The following CDK11A variants were observed in gnomAD, a reference collection of about 807,000 sequenced individuals.
The protein encoded by CDK11A is cyclin-dependent kinase 11A.
Under a neutral mutation model 83.6 loss-of-function variants are expected in CDK11A, and 55 were observed. The ratio of observed to expected loss-of-function variants is 0.66; its 90% CI spans 0.53 to 0.82. The LOEUF (loss-of-function observed/expected upper bound fraction) is 0.82, where lower values mean the gene tolerates loss of function less well. Among genes scored for constraint, CDK11A ranks in the 40% least tolerant of loss-of-function variants. CDK11A has a pLI of 0.00. For synonymous variants in CDK11A, 247 were observed against 302.7 expected (o/e 0.82, Z 1.91); for missense variants, 564 against 810.1 (o/e 0.70, Z 3.69).
At chr1:1,703,777 C>T (rs1360596799) in intron 17 of CDK11A, 47 bp downstream of exon 17, 7 of 1,603,184 alleles carry the variant, frequency 4.4e-6, no homozygotes, top group Admixed American at 1.7e-5. Context: ...CCCATTCCTG[C>T]AACTCCTCTG....
intron 6 of CDK11A, among the ~76,000 whole-genome samples, chr1:1,710,757 G>A (rs1286087466): frequency 6.9e-6 from 1 of 145,930 alleles, no homozygotes; most frequent in Non-Finnish European, 1.5e-5. Context: ...AATGACGCGT[G>A]AACACGACGG....
At chr1:1,720,342 C>A (rs1467825493) in intron 3 of CDK11A, among the ~76,000 whole-genome samples, 1 of 150,570 alleles carries the variant, frequency 6.6e-6, no homozygotes, top group African/African-American at 2.4e-5. Context: ...TGTGATCTGC[C>A]CGCCTCAGCC....
chr1:1,704,796 G>C (rs1244661802), intron 13 of CDK11A, 108 bp downstream of exon 13: 2 of 1,595,914 alleles, frequency 1.3e-6, no homozygotes, highest in Admixed American at 1.7e-5. Context: ...TCTGTGAAGG[G>C]CTCCACTAAG....
At chr1:1,723,503 A>G (rs1195397676) in intron 1 of CDK11A, among the ~76,000 whole-genome samples, 67 of 68,228 alleles carry the variant, frequency 9.8e-4, no homozygotes, top group African/African-American at 2.2e-3. Flanking sequence ...AAAAAAAAAA[A>G]AAAAAAAAAA....
At chr1:1,705,978 C>T (rs900687911) in intron 11 of CDK11A, among the ~76,000 whole-genome samples, 1 of 150,122 alleles carries the variant, frequency 6.7e-6, no homozygotes, top group Admixed American at 6.6e-5. Flanking sequence ...TGCAAGGGCT[C>T]AGGCCTGTAA....
At chr1:1,710,402 A>G (rs1205996936) in intron 6 of CDK11A, among the ~76,000 whole-genome samples, 1 of 66,122 alleles carries the variant, frequency 1.5e-5, no homozygotes, top group Admixed American at 1.9e-4. Flanking sequence ...GTGACCAGGA[A>G]AAGGCTCAGG....
intron 2 of CDK11A, chr1:1,722,397 C>G: frequency 2.2e-6 from 1 of 452,140 alleles, no homozygotes; most frequent in South Asian, 2.5e-5. Flanking sequence ...CAAGTTCCCA[C>G]TATATTAAAA....
In CDK11A at chr1:1,716,342, T is replaced by G; in HGVS notation, c.488+4A>C. The G allele has an allele frequency of 6.2e-7, 1 of 1,608,550 alleles. No individual in the cohort carries two copies. Among genetic ancestry groups the G allele is most frequent in the Non-Finnish European group, 8.5e-7 (1 of 1,176,400 alleles). On this transcript the variant is annotated splice_donor_region_variant and intron_variant, in intron 5 of 19. Transcript: ENST00000404249. ...AAAGTCCTCAACTGACCCAGCCCAC[T>G]CACCTTTCTCTCCTGGAATGCTCCC...
intron 4 of CDK11A, 137 bp downstream of exon 4, chr1:1,719,191 T>G: frequency 1.4e-6 from 1 of 734,238 alleles, no homozygotes; most frequent in Non-Finnish European, 2.1e-6. Flanking sequence ...TTCTGAACGG[T>G]CTGTGACACC....
Position 1,704,468 on chromosome 1 carries a change from TC to T in CDK11A, c.1564+81del, listed in dbSNP as rs1315826780. 3.2e-6 allele frequency: 5 copies of T among 1,545,474 alleles called. 1 individual carries two copies. Among genetic ancestry groups the T allele is most frequent in the Non-Finnish European group, 4.4e-6 (5 of 1,142,654 alleles). On this transcript the variant is annotated intron_variant, in intron 14 of 19. Transcript: ENST00000404249. ...CTTTCCCTGTGGATGCAGCTGGCCC[TC>T]CCTGCAGCACTGTCACCGCGGGGGT...
chr1:1,716,831 A>C, intron 4 of CDK11A, among the ~76,000 whole-genome samples: 1 of 143,716 alleles, frequency 7.0e-6, no homozygotes, highest in Non-Finnish European at 1.5e-5. Flanking sequence ...AAAAAAAAAA[A>C]AAAAAAAAAA....
chr1:1,716,308 C>A (rs1317062387), intron 5 of CDK11A, 38 bp downstream of exon 5: 1 of 1,598,114 alleles, frequency 6.3e-7, no homozygotes, highest in South Asian at 1.1e-5. Context: ...ACTACCACGG[C>A]CCTTTCATAA....
rs1006382203 is a variant in CDK11A at position 1,715,744 on chromosome 1, C to T, written c.488+602G>A. The stretch of plus-strand genomic sequence containing the variant: ...GCTTTCTGTGGACTCACTCTGAAGG[C>T]GGAGATGGGCCTGCTCGCACCTGGC... On this transcript the variant is annotated intron_variant, in intron 5 of 19. Transcript: ENST00000404249. 3.2e-4 allele frequency among the ~76,000 whole-genome samples: 49 copies of T among 151,316 alleles called. 2 individuals carry two copies. The highest frequency in any genetic ancestry group is 1.1e-3 in the African/African-American group (45 of 41,326).
At chr1:1,706,821 G>A (rs989730721) in intron 11 of CDK11A, among the ~76,000 whole-genome samples, 1 of 150,540 alleles carries the variant, frequency 6.6e-6, no homozygotes, top group Non-Finnish European at 1.5e-5. Context: ...GCATGCGCCA[G>A]AGAGAACCTC....
chr1:1,703,370 G>A, intron 18 of CDK11A, 101 bp from the exon 19 acceptor site: 2 of 981,562 alleles, frequency 2.0e-6, no homozygotes, highest in Non-Finnish European at 2.8e-6. Context: ...TGGGACGCCA[G>A]GCACCAGAGC....
In CDK11A at chr1:1,715,190, G is replaced by C. The variant is rs552696768; in HGVS notation, c.488+1156C>G. Among the ~76,000 whole-genome samples, 429 of 112,878 alleles carry C rather than the reference G, an allele frequency of 3.8e-3. 9 individuals are homozygous for C. Among genetic ancestry groups the C allele is most frequent in the African/African-American group, 0.011 (400 of 35,004 alleles). 74.1% of individuals were successfully genotyped at this position (112,878 alleles called of 152,430 possible). A position where few individuals can be genotyped will look rare whatever the true frequency, so the allele number is the denominator to read the frequency against. ...AGTGCTTCTCAGATTATCCTTATCA[G>C]TTTCCTTTTTGTCAGAGACAAGGTC... On this transcript the variant is annotated intron_variant, in intron 5 of 19. Coordinates refer to ENST00000404249, the MANE Select transcript of CDK11A (RefSeq NM_024011.4).
intron 4 of CDK11A, 73 bp downstream of exon 4, chr1:1,719,255 G>A: frequency 7.6e-7 from 1 of 1,312,072 alleles, no homozygotes; most frequent in Non-Finnish European, 1.0e-6. Context: ...GTGCTCTGGG[G>A]AAGGCAGAAG....
At chr1:1,711,999 G>A (rs1369891382) in intron 6 of CDK11A, among the ~76,000 whole-genome samples, 9 of 120,786 alleles carry the variant, frequency 7.5e-5, no homozygotes, top group East Asian at 2.4e-4. Context: ...ACATGGTGGC[G>A]GGTGCCTGTA....
chr1:1,722,385 G>A lies in CDK11A; in HGVS notation c.111+323C>T, dbSNP rs146915783. On this transcript the variant is annotated intron_variant, in intron 2 of 19. Transcript: ENST00000404249. ...CGTAAAATATTTATATTAATTTCAA[G>A]GCAAGTTCCCACTATATTAAAAATA... is the stretch of plus-strand genomic sequence containing the variant. 5.2e-5 allele frequency: 21 copies of A among 404,246 alleles called. 1 individual carries two copies. In the East Asian group the frequency reaches 8.2e-4, roughly 16 times the overall value. The allele number at this position is 404,246 out of a possible 1,614,324, so 25.0% of individuals were successfully genotyped here.
Sources: gnomAD v4.1 joint callset for allele counts (sites outside exome capture counted in the v4.1 genomes callset) on GRCh38, gnomAD v4.1.1 for gene constraint, MANE v1.5 for transcripts, NCBI Gene and HGNC (gene_info 2026-07-23, HGNC 2026-07-21) for gene names.